The following RAB15 variants were observed in gnomAD, a reference collection of about 807,000 sequenced individuals.
RAB15 encodes the protein ras-related protein Rab-15.
RAB15 carries 13 observed loss-of-function variants against 31.8 expected under a neutral mutation model. That is an observed-to-expected ratio of 0.41 (90% CI 0.27 to 0.65). The LOEUF is 0.65. RAB15 is among the 30% of genes least tolerant of loss of function. The probability of loss-of-function intolerance (pLI) is 0.32; values close to 1 mark genes in which losing one functional copy is unlikely to be tolerated. For synonymous variants in RAB15, 100 were observed against 105.6 expected (o/e 0.95, Z 0.33); for missense variants, 220 against 277.3 (o/e 0.79, Z 1.47).
At position 64,951,283 on chromosome 14, in the gene RAB15, C is replaced by G; in HGVS notation, c.247-132G>C. 1.3e-6 allele frequency: 1 copy of G among 750,254 alleles called. No individual in the cohort carries two copies. Among genetic ancestry groups the G allele is most frequent in the East Asian group, 2.6e-5 (1 of 38,060 alleles). 46.5% of individuals were successfully genotyped at this position (750,254 alleles called of 1,614,324 possible). ...CCCTGCTCAGCATCCAGAAATATCTCTTCTCTCAGACCCCACCACTGCCGC... is the reference window on the plus strand; with the variant it reads ...CCCTGCTCAGCATCCAGAAATATCTGTTCTCTCAGACCCCACCACTGCCGC... On this transcript the variant is annotated intron_variant, in intron 3 of 6. Transcript: ENST00000533601. This position sits in a 1 kb window ranked among gnomAD's most constrained non-coding sequence, Gnocchi z 7.2.
In RAB15 at chr14:64,958,924, C is replaced by CA. The variant is rs1403849998; in HGVS notation, c.125-6354dup. Among the ~76,000 whole-genome samples the CA allele has an allele frequency of 2.0e-5, 3 of 152,178 alleles. No individual in the cohort carries two copies. The highest frequency in any genetic ancestry group is 4.4e-5 in the Non-Finnish European group (3 of 68,026). On this transcript the variant is annotated intron_variant, in intron 1 of 6. Transcript: ENST00000533601. The surrounding 1 kb of genome is among the most constrained non-coding windows in gnomAD (Gnocchi z 4.4). ...AACAGCTCAGCCCCAAACCTCTGCT[C>CA]AGAGAAGCAGGGCTGGGTGCAACAT... is the stretch of plus-strand genomic sequence containing the variant.
In RAB15 at chr14:64,953,169, G is replaced by A. The variant is rs1182795955; in HGVS notation, c.125-598C>T. Among the ~76,000 whole-genome samples the A allele has an allele frequency of 1.3e-5, 2 of 152,204 alleles. No homozygotes were observed. The highest frequency in any genetic ancestry group is 1.5e-5 in the Non-Finnish European group (1 of 68,036). ...GCTGACTCACTCATTCACCATAGGA[G>A]GCACTGTGGTTGACTAGAAGGAGCA... On this transcript the variant is annotated intron_variant, in intron 1 of 6. Transcript: ENST00000533601. The surrounding 1 kb of genome is among the most constrained non-coding windows in gnomAD (Gnocchi z 4.6).
intron 1 of RAB15, among the ~76,000 whole-genome samples, chr14:64,959,128 G>T (rs1391483256): frequency 1.3e-5 from 2 of 152,218 alleles, no homozygotes; most frequent in African/African-American, 2.4e-5. Flanking sequence ...AGACAAACAT[G>T]CAGAAAGAAG....
In RAB15 at chr14:64,972,199, G is replaced by C. The variant is rs1566852465; in HGVS notation, c.-123C>G. 9.6e-6 allele frequency: 7 copies of C among 731,644 alleles called. No homozygotes were observed. The highest frequency in any genetic ancestry group is 1.2e-5 in the Non-Finnish European group (7 of 593,518). The allele number at this position is 731,644 out of a possible 1,614,324, so 45.3% of individuals were successfully genotyped here. On this transcript the variant is annotated 5_prime_UTR_variant, in exon 1 of 7. Coordinates refer to ENST00000533601, the MANE Select transcript of RAB15 (RefSeq NM_001308154.2). The surrounding 1 kb of genome is among the most constrained non-coding windows in gnomAD (Gnocchi z 6.3). ...GGCGGCGAGGAGGACGCCGGGCCCG[G>C]CCCCCGCGGCTGCCTCGCCCGCCCG...
At chr14:64,956,353 G>C (rs1886565510) in intron 1 of RAB15, among the ~76,000 whole-genome samples, 1 of 151,274 alleles carries the variant, frequency 6.6e-6, no homozygotes, top group South Asian at 2.1e-4. Context: ...AGAGGCTGCA[G>C]TGAGCTGAGA....
In RAB15 at chr14:64,953,055, AGAG is replaced by A. The variant is rs1235433266; in HGVS notation, c.125-487_125-485del. Among the ~76,000 whole-genome samples, 1 of 152,092 alleles carries A rather than the reference AGAG, an allele frequency of 6.6e-6. No individual in the cohort carries two copies. Among genetic ancestry groups the A allele is most frequent in the Non-Finnish European group, 1.5e-5 (1 of 68,018 alleles). On this transcript the variant is annotated intron_variant, in intron 1 of 6. Coordinates refer to ENST00000533601, the MANE Select transcript of RAB15 (RefSeq NM_001308154.2). This position sits in a 1 kb window ranked among gnomAD's most constrained non-coding sequence, Gnocchi z 4.6. Reference sequence around the variant, plus strand: ...GGTCATAGTGCCAGACTGTGGAGAGAGAGGAGGGCTCTTCCAACCCATGATTGT... The same window carrying A: ...GGTCATAGTGCCAGACTGTGGAGAGAGAGGGCTCTTCCAACCCATGATTGT...
rs1460442865 is a variant in RAB15, at chr14:64,948,481, T to C, written c.512A>G (p.Gln171Arg). The change falls in exon 7 of 7, where the codon CAG becomes CGG. Residue 171 changes from glutamine (Q) to arginine (R), a missense_variant. Gln to Arg is a conservative substitution (Grantham distance 43). Coordinates refer to ENST00000533601, the MANE Select transcript of RAB15 (RefSeq NM_001308154.2). This position sits in a 1 kb window ranked among gnomAD's most constrained non-coding sequence, Gnocchi z 7.0. Reference sequence around the variant, plus strand: ...GCCTTCCAGCTCCTTCCTATGGGCCTGCAGCACCAGCTCTGTCAGACGCGT... The same window carrying C: ...GCCTTCCAGCTCCTTCCTATGGGCCCGCAGCACCAGCTCTGTCAGACGCGT... ...SFTRLTELVL[Q>R]AHRKELEGLR... 6.2e-7 allele frequency: 1 copy of C among 1,611,952 alleles called. No individual in the cohort carries two copies. The highest frequency in any genetic ancestry group is 1.3e-5 in the African/African-American group (1 of 74,984).
Position 64,950,417 on chromosome 14 carries a change from A to T in RAB15, c.325-3T>A, listed in dbSNP as rs752042326. ...TTCTGGACGCCTTCTGGTGCGTACT[A>T]GGGACAAAGGATGGGCAGAACAGCC... is the stretch of plus-strand genomic sequence containing the variant. On this transcript the variant is annotated splice_polypyrimidine_tract_variant and splice_region_variant and intron_variant, in intron 4 of 6. Transcript: ENST00000533601. This position sits in a 1 kb window ranked among gnomAD's most constrained non-coding sequence, Gnocchi z 5.6. The T allele has an allele frequency of 1.1e-5, 18 of 1,613,062 alleles. No individual in the cohort carries two copies. The highest frequency in any genetic ancestry group is 1.5e-5 in the Non-Finnish European group (18 of 1,179,114).
chr14:64,972,199 G>GC lies in RAB15; in HGVS notation c.-124dup. 1.4e-6 allele frequency: 1 copy of GC among 731,752 alleles called. No homozygotes were observed. The highest frequency in any genetic ancestry group is 1.7e-6 in the Non-Finnish European group (1 of 593,508). 45.3% of individuals were successfully genotyped at this position (731,752 alleles called of 1,614,324 possible). On this transcript the variant is annotated 5_prime_UTR_variant, in exon 1 of 7. Coordinates refer to ENST00000533601, the MANE Select transcript of RAB15 (RefSeq NM_001308154.2). This position sits in a 1 kb window ranked among gnomAD's most constrained non-coding sequence, Gnocchi z 6.3. ...GGCGGCGAGGAGGACGCCGGGCCCG[G>GC]CCCCCGCGGCTGCCTCGCCCGCCCG...
At chr14:64,963,970 G>A (rs2139996038) in intron 1 of RAB15, among the ~76,000 whole-genome samples, 1 of 152,252 alleles carries the variant, frequency 6.6e-6, no homozygotes, top group South Asian at 2.1e-4. Flanking sequence ...CATTTCTTTT[G>A]CATAATATTC....
rs530132988 is a variant in RAB15, at chr14:64,961,322, A to G, written c.125-8751T>C. Among the ~76,000 whole-genome samples the G allele has an allele frequency of 3.9e-5, 6 of 152,158 alleles. No individual in the cohort carries two copies. The East Asian group carries it at 1.2e-3, about 29-fold the overall frequency. On this transcript the variant is annotated intron_variant, in intron 1 of 6. Coordinates refer to ENST00000533601, the MANE Select transcript of RAB15 (RefSeq NM_001308154.2). ...AGGTCACCCTGTGCAGCCCTCAAACACCAAAAAAGACCCCATTCACACAGG... is the reference window on the plus strand; with the variant it reads ...AGGTCACCCTGTGCAGCCCTCAAACGCCAAAAAAGACCCCATTCACACAGG...
chr14:64,956,486 C>T (rs1202949503), intron 1 of RAB15, among the ~76,000 whole-genome samples: 1 of 151,984 alleles, frequency 6.6e-6, no homozygotes, highest in African/African-American at 2.4e-5. Flanking sequence ...TACCTCAGAC[C>T]TATAGAATCA....
chr14:64,959,544 A>G lies in RAB15; in HGVS notation c.125-6973T>C, dbSNP rs74644056. Among the ~76,000 whole-genome samples, 344 of 152,300 alleles carry G rather than the reference A, an allele frequency of 2.3e-3. 3 individuals are homozygous for G. The highest frequency in any genetic ancestry group is 7.8e-3 in the African/African-American group (324 of 41,552). On this transcript the variant is annotated intron_variant, in intron 1 of 6. Coordinates refer to ENST00000533601, the MANE Select transcript of RAB15 (RefSeq NM_001308154.2). Reference sequence around the variant, plus strand: ...TAGTGCCAGCATAGTGCCAGGCATAAAGAAGCAATTCCAAAACAAATTCTA... The same window carrying G: ...TAGTGCCAGCATAGTGCCAGGCATAGAGAAGCAATTCCAAAACAAATTCTA...
rs1887458686 is a variant in RAB15 at position 64,972,059 on chromosome 14, A to C, written c.18T>G (p.Asp6Glu). 6.2e-7 allele frequency: 1 copy of C among 1,609,512 alleles called. No homozygotes were observed. Among genetic ancestry groups the C allele is most frequent in the Non-Finnish European group, 8.5e-7 (1 of 1,178,462 alleles). MAKQYDVLFRLLLIGD... is the reference protein window; with the variant it reads MAKQYEVLFRLLLIGD... ...CGATCAGCAGCAGCCGGAACAGCACATCGTACTGCTTCGCCATGACTGGGG... is the reference window on the plus strand; with the variant it reads ...CGATCAGCAGCAGCCGGAACAGCACCTCGTACTGCTTCGCCATGACTGGGG... Residue 6 changes from aspartate to glutamate, a missense_variant, in exon 1 of 7, where the codon GAT becomes GAG. Physicochemically the swap from Asp to Glu is conservative, Grantham distance 45. Transcript: ENST00000533601. The surrounding 1 kb of genome is among the most constrained non-coding windows in gnomAD (Gnocchi z 6.3).
In RAB15 at chr14:64,958,841, G is replaced by A. The variant is rs949802033; in HGVS notation, c.125-6270C>T. On this transcript the variant is annotated intron_variant, in intron 1 of 6. Coordinates refer to ENST00000533601, the MANE Select transcript of RAB15 (RefSeq NM_001308154.2). This position sits in a 1 kb window ranked among gnomAD's most constrained non-coding sequence, Gnocchi z 4.4. ...CGGAGAGCAGCTCATTGTTTTTCCC[G>A]GCACATTAGATATGCCCATCATGGT... 9.9e-5 allele frequency among the ~76,000 whole-genome samples: 15 copies of A among 152,136 alleles called. No individual in the cohort carries two copies. The highest frequency in any genetic ancestry group is 1.4e-4 in the African/African-American group (6 of 41,440).
chr14:64,972,041 C>T lies in RAB15; in HGVS notation c.36G>A (p.Leu12=). 6.2e-7 allele frequency: 1 copy of T among 1,611,006 alleles called. No individual in the cohort carries two copies. The highest frequency in any genetic ancestry group is 8.5e-7 in the Non-Finnish European group (1 of 1,178,888). The part of the protein sequence containing the change: ...AKQYDVLFRL[L]LIGDSGVGKT... Reference sequence around the variant, plus strand: ...TGCCCACCCCGGAGTCCCCGATCAGCAGCAGCCGGAACAGCACATCGTACT... The same window carrying T: ...TGCCCACCCCGGAGTCCCCGATCAGTAGCAGCCGGAACAGCACATCGTACT... The change falls in exon 1 of 7, where the codon CTG becomes CTA. Residue 12 remains leucine (L), a synonymous_variant. Coordinates refer to ENST00000533601, the MANE Select transcript of RAB15 (RefSeq NM_001308154.2). The surrounding 1 kb of genome is among the most constrained non-coding windows in gnomAD (Gnocchi z 6.3).
chr14:64,964,948 A>ATT, intron 1 of RAB15, among the ~76,000 whole-genome samples: 1 of 135,572 alleles, frequency 7.4e-6, no homozygotes, highest in African/African-American at 2.7e-5. Context: ...GTTCTCAGTA[A>ATT]TTTTTTTTTT....
intron 1 of RAB15, among the ~76,000 whole-genome samples, chr14:64,960,370 C>T (rs749988891): frequency 2.0e-5 from 3 of 152,134 alleles, no homozygotes; most frequent in Non-Finnish European, 4.4e-5. Context: ...TAAAGAACAC[C>T]CCTTCCCATC....
rs545206559 is a variant in RAB15 at position 64,950,655 on chromosome 14, G to A, written c.325-241C>T. On this transcript the variant is annotated intron_variant, in intron 4 of 6. Coordinates refer to ENST00000533601, the MANE Select transcript of RAB15 (RefSeq NM_001308154.2). The surrounding 1 kb of genome is among the most constrained non-coding windows in gnomAD (Gnocchi z 5.6). ...TGGTGCTTCCTTGGGTTAGACCACTGGTATCAGAGCTGGAAAGGACATTGG... is the reference window on the plus strand; with the variant it reads ...TGGTGCTTCCTTGGGTTAGACCACTAGTATCAGAGCTGGAAAGGACATTGG... The A allele has an allele frequency of 5.3e-5, 32 of 599,892 alleles. No individual in the cohort carries two copies. The Admixed American group carries it at 7.7e-4, about 14-fold the overall frequency. 37.2% of individuals were successfully genotyped at this position (599,892 alleles called of 1,614,324 possible). A position where few individuals can be genotyped will look rare whatever the true frequency, so the allele number is the denominator to read the frequency against.
Sources: allele counts gnomAD v4.1 joint callset (sites outside exome capture counted in the v4.1 genomes callset), GRCh38; gene constraint gnomAD v4.1.1; non-coding constraint Gnocchi (gnomAD v3.1); transcripts MANE v1.5; gene names NCBI Gene and HGNC (gene_info 2026-07-23, HGNC 2026-07-21).